The following ZBTB7C variants were observed in gnomAD, a reference collection of about 807,000 sequenced individuals.
ZBTB7C encodes the protein zinc finger and BTB domain containing 7C, also known as zinc finger and BTB domain-containing protein 7C.
In ZBTB7C, 8 loss-of-function variants were observed where a neutral mutation model predicts 25.7. The ratio of observed to expected loss-of-function variants is 0.31; its 90% CI spans 0.18 to 0.56. The LOEUF (loss-of-function observed/expected upper bound fraction) is 0.56. Among genes scored for constraint, ZBTB7C ranks in the 20% least tolerant of loss-of-function variants. The pLI is 0.91. For missense variants in ZBTB7C, 824 were observed against 855.2 expected (o/e 0.96, Z 0.46); for synonymous variants, 394 against 369.0 (o/e 1.07, Z -0.78).
At chr18:48,078,931 T>C (rs2037875360) in intron 3 of ZBTB7C, among the ~76,000 whole-genome samples, 1 of 151,600 alleles carries the variant, frequency 6.6e-6, no homozygotes, top group African/African-American at 2.5e-5. Flanking sequence ...TATATCACAA[T>C]TTGTTCATTC....
chr18:48,286,641 ACT>A (rs1261536601), intron 2 of ZBTB7C, among the ~76,000 whole-genome samples: 1 of 152,152 alleles, frequency 6.6e-6, no homozygotes, highest in Non-Finnish European at 1.5e-5. Context: ...AAATTTAGAA[ACT>A]CTTGTCAAAC....
At chr18:48,077,356 G>T (rs1409880144) in intron 3 of ZBTB7C, among the ~76,000 whole-genome samples, 1 of 152,124 alleles carries the variant, frequency 6.6e-6, no homozygotes, top group Non-Finnish European at 1.5e-5. Context: ...TGAGATGGGG[G>T]TGGTGCTTAA....
At chr18:48,382,378 A>C (rs967033194) in intron 1 of ZBTB7C, among the ~76,000 whole-genome samples, 1 of 152,238 alleles carries the variant, frequency 6.6e-6, no homozygotes, top group Non-Finnish European at 1.5e-5. Flanking sequence ...GGCCAAGCCA[A>C]TATCGCTAAA....
chr18:48,195,652 T>G (rs2042302328), intron 2 of ZBTB7C, among the ~76,000 whole-genome samples: 4 of 152,096 alleles, frequency 2.6e-5, no homozygotes, highest in Admixed American at 2.6e-4. Flanking sequence ...AGTTTTCAGT[T>G]TTTTTTTCCA....
intron 2 of ZBTB7C, among the ~76,000 whole-genome samples, chr18:48,251,908 C>A (rs1406913649): frequency 6.6e-6 from 1 of 152,168 alleles, no homozygotes; most frequent in Non-Finnish European, 1.5e-5. Flanking sequence ...TTTTCTCTTT[C>A]TTTTGCCTAT....
At chr18:48,114,932 A>C (rs2039377804) in intron 3 of ZBTB7C, among the ~76,000 whole-genome samples, 1 of 152,220 alleles carries the variant, frequency 6.6e-6, no homozygotes, top group South Asian at 2.1e-4. Context: ...ATATAACATA[A>C]AATTTGCCAT....
At chr18:48,067,422 A>ACATGGTATCTATTTCTGCT (rs1202289807) in intron 3 of ZBTB7C, among the ~76,000 whole-genome samples, 1 of 152,218 alleles carries the variant, frequency 6.6e-6, no homozygotes, top group Admixed American at 6.5e-5. Context: ...TGGTATCCAC[A>ACATGGTATCTATTTCTGCT]TACTGGGTCA....
intron 1 of ZBTB7C, among the ~76,000 whole-genome samples, chr18:48,382,855 G>A (rs1028490549): frequency 5.3e-5 from 8 of 152,170 alleles, no homozygotes; most frequent in African/African-American, 1.7e-4. Flanking sequence ...ATGATAAAAC[G>A]TAAGCAGCTG....
chr18:48,039,403 C>CTCCCCATCAACCAT (rs2036116346), intron 4 of ZBTB7C, among the ~76,000 whole-genome samples: 1 of 152,042 alleles, frequency 6.6e-6, no homozygotes, highest in Non-Finnish European at 1.5e-5. Flanking sequence ...AAGTCAACCA[C>CTCCCCATCAACCAT]GTCTCCCCAT....
intron 3 of ZBTB7C, among the ~76,000 whole-genome samples, chr18:48,102,782 A>G (rs1475561218): frequency 6.6e-6 from 1 of 151,958 alleles, no homozygotes; most frequent in Non-Finnish European, 1.5e-5. Context: ...GAAGGCAGGA[A>G]GGGAATACAT....
intron 3 of ZBTB7C, among the ~76,000 whole-genome samples, chr18:48,145,781 T>C (rs117242132): frequency 0.021 from 3,189 of 152,346 alleles, 60 homozygotes; most frequent in Non-Finnish European, 0.033. Context: ...TATGTATACG[T>C]GATATTTTTC....
chr18:48,099,809 G>GA (rs2038768394), intron 3 of ZBTB7C, among the ~76,000 whole-genome samples: 1 of 152,350 alleles, frequency 6.6e-6, no homozygotes, highest in Admixed American at 6.5e-5. Context: ...GACAGGTACA[G>GA]AGGCTCTGTT....
At chr18:48,216,207 CA>C (rs1420479867) in intron 2 of ZBTB7C, among the ~76,000 whole-genome samples, 1 of 152,198 alleles carries the variant, frequency 6.6e-6, no homozygotes, top group Non-Finnish European at 1.5e-5. Context: ...CCACAGCAGG[CA>C]GCTGATTTCA....
At chr18:48,323,102 G>T (rs1295966190) in intron 2 of ZBTB7C, among the ~76,000 whole-genome samples, 1 of 152,178 alleles carries the variant, frequency 6.6e-6, no homozygotes, top group African/African-American at 2.4e-5. Flanking sequence ...AGTGTATTCT[G>T]CTCGAGTGCA....
chr18:48,137,032 C>A (rs889952207), intron 3 of ZBTB7C: 1 of 985,252 alleles, frequency 1.0e-6, no homozygotes, highest in Non-Finnish European at 1.2e-6. Flanking sequence ...ACGCCGCGCT[C>A]GTGCCCGGGC....
chr18:48,218,428 G>A (rs534689722), intron 2 of ZBTB7C, among the ~76,000 whole-genome samples: 4 of 152,336 alleles, frequency 2.6e-5, no homozygotes, highest in South Asian at 2.1e-4. Context: ...CTGGTACAGG[G>A]TGAGGCCAAA....
At chr18:48,165,457 G>A (rs1245387995) in intron 3 of ZBTB7C, 6 of 300,444 alleles carry the variant, frequency 2.0e-5, no homozygotes, top group South Asian at 1.7e-4. Flanking sequence ...ACCTGGCCTT[G>A]TTAGGGATCA....
intron 4 of ZBTB7C, among the ~76,000 whole-genome samples, chr18:48,030,989 G>A (rs2035722115): frequency 6.6e-6 from 1 of 152,236 alleles, no homozygotes; most frequent in South Asian, 2.1e-4. Context: ...GGGCCAGGAA[G>A]CTCTGTGTCT....
At chr18:48,382,471 A>C (rs2047654812) in intron 1 of ZBTB7C, among the ~76,000 whole-genome samples, 1 of 152,240 alleles carries the variant, frequency 6.6e-6, no homozygotes, top group Non-Finnish European at 1.5e-5. Flanking sequence ...TAAAACAAAG[A>C]AAGTGAAGTT....
Sources: gnomAD v4.1 joint callset for allele counts (sites outside exome capture counted in the v4.1 genomes callset) on GRCh38, gnomAD v4.1.1 for gene constraint, MANE v1.5 for transcripts, NCBI Gene and HGNC (gene_info 2026-07-23, HGNC 2026-07-21) for gene names.